The following GLI4 variants were observed in gnomAD, a reference collection of about 807,000 sequenced individuals.
GLI4 encodes the protein zinc finger protein GLI4.
Under a neutral mutation model 30.9 loss-of-function variants are expected in GLI4, and 34 were observed. The observed-to-expected ratio is 1.10, with a 90% confidence interval of 0.84 to 1.47. The LOEUF is 1.47. Ranked by LOEUF, GLI4 falls within the 40% of genes most tolerant of loss-of-function variation. The pLI is 0.00. For missense variants in GLI4, 696 were observed against 538.9 expected (o/e 1.29, Z -2.89); for synonymous variants, 277 against 236.7 (o/e 1.17, Z -1.56).
Position 143,268,754 on chromosome 8 carries a change from G to T in GLI4, c.-37-606G>T, listed in dbSNP as rs558179002. On this transcript the variant is annotated intron_variant, in intron 1 of 3. Transcript: ENST00000340042. ...TGCCAGAGCCTCTGCTGGGACAGGAGCTTCGCTTCAGCCCCCACAGGCGTC... is the reference window on the plus strand; with the variant it reads ...TGCCAGAGCCTCTGCTGGGACAGGATCTTCGCTTCAGCCCCCACAGGCGTC... 2.1e-4 allele frequency among the ~76,000 whole-genome samples: 32 copies of T among 152,214 alleles called. No homozygotes were observed. The East Asian group carries it at 6.2e-3, about 29-fold the overall frequency.
chr8:143,273,790 G>A (rs77176907), intron 2 of GLI4, among the ~76,000 whole-genome samples: 3,239 of 152,278 alleles, frequency 0.021, 117 homozygotes, highest in African/African-American at 0.073. Context: ...AGACACACCC[G>A]TCCTTGAGTA....
At chr8:143,275,309 C>G (rs3812433) in intron 3 of GLI4, 697,910 of 1,460,220 alleles carry the variant, frequency 0.48, 172,065 homozygotes, top group East Asian at 0.69. Context: ...TTTAACAGTG[C>G]TGAGCCCTCG....
At position 143,276,748 on chromosome 8, in the gene GLI4, G is replaced by C. The variant is rs1302869608; in HGVS notation, c.1075G>C (p.Ala359Pro). 7.5e-6 allele frequency: 12 copies of C among 1,606,312 alleles called. No homozygotes were observed. Among genetic ancestry groups the C allele is most frequent in the Non-Finnish European group, 9.3e-6 (11 of 1,177,218 alleles). Residue 359 changes from alanine (A) to proline (P), a missense_variant, in exon 4 of 4, where the codon GCC (alanine) becomes CCC (proline). Coordinates refer to ENST00000340042, the MANE Select transcript of GLI4 (RefSeq NM_138465.4). Reference sequence around the variant, plus strand: ...CTTCGCGTGTGGCGCCTGCGGCAAGGCCTTCGGCCAGAGCTCCCAGCTCAT... The same window carrying C: ...CTTCGCGTGTGGCGCCTGCGGCAAGCCCTTCGGCCAGAGCTCCCAGCTCAT... The part of the protein sequence containing the change: ...KPFACGACGK[A>P]FGQSSQLIQH...
intron 2 of GLI4, among the ~76,000 whole-genome samples, chr8:143,271,036 C>T (rs1411718697): frequency 6.6e-6 from 1 of 152,134 alleles, no homozygotes; most frequent in Non-Finnish European, 1.5e-5. Context: ...GAAAGCCAGG[C>T]ATGAGTCCCC....
chr8:143,268,733 A>G (rs1815195965), intron 1 of GLI4, among the ~76,000 whole-genome samples: 1 of 152,230 alleles, frequency 6.6e-6, no homozygotes, highest in Admixed American at 6.5e-5. Context: ...AGGAGATGCC[A>G]GAGCCTCTGC....
chr8:143,268,948 G>A (rs1412311492), intron 1 of GLI4, among the ~76,000 whole-genome samples: 3 of 151,800 alleles, frequency 2.0e-5, no homozygotes, highest in African/African-American at 4.8e-5. Context: ...ATTTCAAGCT[G>A]TTCTCCTGCC....
rs769089274 is a variant in GLI4 at position 143,276,811 on chromosome 8, GGGGGCTC to G, written c.*17_*23del. On this transcript the variant is annotated 3_prime_UTR_variant, in exon 4 of 4. Coordinates refer to ENST00000340042, the MANE Select transcript of GLI4 (RefSeq NM_138465.4). ...GGTGCACTACCGCGAGTAGCCGGGC[GGGGGCTC>G]GGGGCTCGGCCTCCTACCTGCCCCC... 3 of 1,525,302 alleles carry G rather than the reference GGGGGCTC, an allele frequency of 2.0e-6. No homozygotes were observed. Among genetic ancestry groups the G allele is most frequent in the Non-Finnish European group, 8.8e-7 (1 of 1,136,392 alleles). 94.5% of individuals were successfully genotyped at this position (1,525,302 alleles called of 1,614,324 possible). A position where few individuals can be genotyped will look rare whatever the true frequency, so the allele number is the denominator to read the frequency against.
rs780498834 is a variant in GLI4, at chr8:143,276,794, A to G, written c.1121A>G (p.Tyr374Cys). The G allele has an allele frequency of 9.4e-5, 147 of 1,567,226 alleles. No homozygotes were observed. Among genetic ancestry groups the G allele is most frequent in the Non-Finnish European group, 1.1e-4 (122 of 1,158,110 alleles). The change falls in exon 4 of 4, where the codon TAC becomes TGC. Residue 374 changes from tyrosine to cysteine, a missense_variant. Coordinates refer to ENST00000340042, the MANE Select transcript of GLI4 (RefSeq NM_138465.4). ...CTCATCCAGCACCAGCGGGTGCACT[A>G]CCGCGAGTAGCCGGGCGGGGGCTCG... The part of the protein sequence containing the change: ...SQLIQHQRVH[Y>C]RE
rs1005517527 is a variant in GLI4, at chr8:143,267,563, G to A, written c.-38+79G>A. On this transcript the variant is annotated intron_variant, in intron 1 of 3. Transcript: ENST00000340042. ...CCGAGCTCGTGCGCCGTACTCCGCG[G>A]TGCAGCCCTGCCCAGCCGGGCCGTG... 22 of 985,548 alleles carry A rather than the reference G, an allele frequency of 2.2e-5. No homozygotes were observed. In the Admixed American group the frequency reaches 1.1e-3, roughly 50 times the overall value. 61.1% of individuals were successfully genotyped at this position (985,548 alleles called of 1,614,324 possible). A position where few individuals can be genotyped will look rare whatever the true frequency, so the allele number is the denominator to read the frequency against.
At chr8:143,271,486 A>G (rs1454076240) in intron 2 of GLI4, among the ~76,000 whole-genome samples, 1 of 152,222 alleles carries the variant, frequency 6.6e-6, no homozygotes, top group Non-Finnish European at 1.5e-5. Context: ...GGGAATGCCC[A>G]GGGGCCACAG....
rs1815158949 is a variant in GLI4, at chr8:143,267,470, C to T, written c.-52C>T. The T allele has an allele frequency of 4.1e-6, 4 of 985,548 alleles. No individual in the cohort carries two copies. Among genetic ancestry groups the T allele is most frequent in the Non-Finnish European group, 4.8e-6 (4 of 830,098 alleles). 61.1% of individuals were successfully genotyped at this position (985,548 alleles called of 1,614,324 possible). A position where few individuals can be genotyped will look rare whatever the true frequency, so the allele number is the denominator to read the frequency against. On this transcript the variant is annotated 5_prime_UTR_variant, in exon 1 of 4. Transcript: ENST00000340042. ...ACTTCCGTCCGGCGCGCGGCGTCCT[C>T]CTCCCGCTCGGAAGGTGAGTGGGCG...
Position 143,276,436 on chromosome 8 carries a change from A to T in GLI4, c.763A>T (p.Thr255Ser). The T allele has an allele frequency of 6.2e-7, 1 of 1,610,622 alleles. No homozygotes were observed. The highest frequency in any genetic ancestry group is 8.5e-7 in the Non-Finnish European group (1 of 1,179,278). ...GRAFSHSSHF[T>S]QHLRIHNGEK... ...CGCCTTCAGCCACAGCTCGCACTTC[A>T]CGCAGCACCTGCGCATCCACAACGG... is the stretch of plus-strand genomic sequence containing the variant. Residue 255 changes from threonine to serine, a missense_variant, in exon 4 of 4, where the codon ACG becomes TCG. Thr to Ser is a moderately conservative substitution (Grantham distance 58, BLOSUM62 1). Coordinates refer to ENST00000340042, the MANE Select transcript of GLI4 (RefSeq NM_138465.4).
chr8:143,273,012 C>A (rs1311966126), intron 2 of GLI4: 1 of 152,230 alleles, frequency 6.6e-6, no homozygotes, highest in Admixed American at 6.5e-5. Flanking sequence ...AGTGACAGCC[C>A]GGGGAACATC....
chr8:143,271,135 G>C (rs73717507), intron 2 of GLI4, among the ~76,000 whole-genome samples: 46,812 of 152,152 alleles, frequency 0.31, 7,784 homozygotes, highest in African/African-American at 0.43. Context: ...GGGAGGGAGT[G>C]GGGGCTGCAC....
At position 143,267,453 on chromosome 8, in the gene GLI4, C is replaced by G. The variant is rs1815158070; in HGVS notation, c.-69C>G. ...GTGGGGCGGGGCCGGACACTTCCGT[C>G]CGGCGCGCGGCGTCCTCCTCCCGCT... On this transcript the variant is annotated 5_prime_UTR_variant, in exon 1 of 4. Transcript: ENST00000340042. 2 of 985,264 alleles carry G rather than the reference C, an allele frequency of 2.0e-6. No homozygotes were observed. Among genetic ancestry groups the G allele is most frequent in the East Asian group, 1.1e-4 (1 of 8,774 alleles). 61.0% of individuals were successfully genotyped at this position (985,264 alleles called of 1,614,324 possible). A position where few individuals can be genotyped will look rare whatever the true frequency, so the allele number is the denominator to read the frequency against.
At chr8:143,270,124 G>A (rs1345406926) in intron 2 of GLI4, among the ~76,000 whole-genome samples, 7 of 152,350 alleles carry the variant, frequency 4.6e-5, no homozygotes, top group East Asian at 1.9e-4. Flanking sequence ...CTCGGCCCTC[G>A]TGGCCCAACC....
At chr8:143,274,558 C>G (rs1815341307) in intron 2 of GLI4, 146 bp from the exon 3 acceptor site, 1 of 701,194 alleles carries the variant, frequency 1.4e-6, no homozygotes, top group East Asian at 3.1e-5. Context: ...GCTAGAGAAG[C>G]CCAAGCAGCG....
In GLI4 at chr8:143,274,781, G is replaced by A. The variant is rs546434021; in HGVS notation, c.202G>A (p.Gly68Ser). Residue 68 changes from glycine (G) to serine (S), a missense_variant, in exon 3 of 4, where the codon GGC (glycine) becomes AGC (serine). Coordinates refer to ENST00000340042, the MANE Select transcript of GLI4 (RefSeq NM_138465.4). ...CCAAGACGTAGAGGAAGTGGAGATC[G>A]GCAGAGACACCTTCTGGCCCGGTGA... ...DLQDVEEVEI[G>S]RDTFWPDSEP... is the part of the protein sequence containing the mutation. 3.6e-5 allele frequency: 56 copies of A among 1,566,722 alleles called. 1 individual carries two copies. In the East Asian group the frequency reaches 6.4e-4, roughly 18 times the overall value.
chr8:143,271,330 C>T (rs943129803), intron 2 of GLI4, among the ~76,000 whole-genome samples: 5 of 152,148 alleles, frequency 3.3e-5, no homozygotes, highest in Non-Finnish European at 5.9e-5. Context: ...GATAAGGGGG[C>T]GGCCTTCATC....
Sources: gnomAD v4.1 joint callset for allele counts (sites outside exome capture counted in the v4.1 genomes callset) on GRCh38, gnomAD v4.1.1 for gene constraint, MANE v1.5 for transcripts, NCBI Gene and HGNC (gene_info 2026-07-23, HGNC 2026-07-21) for gene names.